Variants in FAXC observed in about 807,000 individuals in gnomAD.
FAXC encodes failed axon connections homolog, metaxin like GST domain containing, also known as failed axon connections homolog.
A neutral mutation model predicts 41.9 loss-of-function variants in FAXC; 10 were observed. The ratio of observed to expected loss-of-function variants is 0.24; its 90% CI spans 0.15 to 0.41. FAXC has a LOEUF of 0.41. Among genes scored for constraint, FAXC ranks in the 10% least tolerant of loss-of-function variants. The pLI is 1.00. For missense variants in FAXC, 399 were observed against 510.9 expected (o/e 0.78, Z 2.11); for synonymous variants, 183 against 183.8 (o/e 1.00, Z 0.03).
intron 5 of FAXC, among the ~76,000 whole-genome samples, chr6:99,289,999 T>C (rs897743096): frequency 6.6e-6 from 1 of 151,922 alleles, no homozygotes. Flanking sequence ...AAGTATAGTT[T>C]CTACTGAACA....
At chr6:99,345,794 T>C (rs1053376715) in intron 1 of FAXC, among the ~76,000 whole-genome samples, 1 of 152,212 alleles carries the variant, frequency 6.6e-6, no homozygotes, top group African/African-American at 2.4e-5. Flanking sequence ...AGTCATTCAA[T>C]TTACAAACAA....
At chr6:99,297,829 A>C (rs1771559641) in intron 4 of FAXC, among the ~76,000 whole-genome samples, 1 of 151,902 alleles carries the variant, frequency 6.6e-6, no homozygotes. Flanking sequence ...TACCTCCTCC[A>C]CTGCATGAAG....
chr6:99,344,688 C>T (rs546594300), intron 1 of FAXC, among the ~76,000 whole-genome samples: 1 of 152,282 alleles, frequency 6.6e-6, no homozygotes, highest in South Asian at 2.1e-4. Context: ...AAATCAAGAA[C>T]TCATTTAGAC....
chr6:99,284,152 C>CA (rs1770930186), intron 5 of FAXC: 1 of 152,240 alleles, frequency 6.6e-6, no homozygotes, highest in African/African-American at 2.4e-5. Flanking sequence ...CCTTCACCTC[C>CA]ACTCAACTCT....
intron 4 of FAXC, among the ~76,000 whole-genome samples, chr6:99,302,542 G>A (rs1186603178): frequency 6.6e-6 from 1 of 152,128 alleles, no homozygotes; most frequent in Non-Finnish European, 1.5e-5. Context: ...TGTGGTCCCA[G>A]CTACTCAGGA....
rs1305389858 is a variant in FAXC, at chr6:99,277,715, T to C, written c.*3449A>G. ...GTGACTTCTCAGGTAACATGCATTT[T>C]ATAAGACAACAAAGCCACAGTGGTA... is the stretch of plus-strand genomic sequence containing the variant. On this transcript the variant is annotated 3_prime_UTR_variant, in exon 6 of 6. Transcript: ENST00000389677. 1 of 152,200 alleles carries C rather than the reference T, an allele frequency of 6.6e-6. No individual in the cohort carries two copies. Among genetic ancestry groups the C allele is most frequent in the Admixed American group, 6.5e-5 (1 of 15,278 alleles). 9.4% of individuals were successfully genotyped at this position (152,200 alleles called of 1,614,324 possible).
intron 3 of FAXC, among the ~76,000 whole-genome samples, chr6:99,329,573 T>A (rs1278565820): frequency 6.6e-6 from 1 of 152,172 alleles, no homozygotes; most frequent in Non-Finnish European, 1.5e-5. Context: ...GCATATGGTA[T>A]GTTTCTGTAG....
At chr6:99,317,133 A>G (rs924423406) in intron 4 of FAXC, among the ~76,000 whole-genome samples, 1 of 152,026 alleles carries the variant, frequency 6.6e-6, no homozygotes, top group Non-Finnish European at 1.5e-5. Context: ...AAAGAAAAGT[A>G]TATTACATTT....
intron 1 of FAXC, 103 bp from the exon 2 acceptor site, chr6:99,343,136 C>A: frequency 9.7e-7 from 1 of 1,032,136 alleles, no homozygotes; most frequent in Non-Finnish European, 1.4e-6. Flanking sequence ...CCTCAATGAA[C>A]AAGCAGATCT....
intron 4 of FAXC, among the ~76,000 whole-genome samples, chr6:99,295,759 CGTA>C (rs1771467913): frequency 6.6e-6 from 1 of 152,166 alleles, no homozygotes; most frequent in Non-Finnish European, 1.5e-5. Context: ...TGATATTAAC[CGTA>C]ACCATGTGGT....
intron 4 of FAXC, among the ~76,000 whole-genome samples, chr6:99,323,096 C>G (rs1351790451): frequency 6.6e-6 from 1 of 152,176 alleles, no homozygotes; most frequent in Admixed American, 6.5e-5. Context: ...GCCTGTGACC[C>G]TGACCTGTTT....
chr6:99,289,821 C>T (rs759905366), intron 5 of FAXC, among the ~76,000 whole-genome samples: 6 of 151,708 alleles, frequency 4.0e-5, no homozygotes, highest in Non-Finnish European at 8.8e-5. Flanking sequence ...CTTACATTAA[C>T]CTACAGTAAG....
chr6:99,273,335 A>C lies in FAXC; in HGVS notation c.*7829T>G, dbSNP rs1770480899. On this transcript the variant is annotated 3_prime_UTR_variant, in exon 6 of 6. Coordinates refer to ENST00000389677, the MANE Select transcript of FAXC (RefSeq NM_032511.4). ...ATTTGAAGACACAAGATTATAAACAAATAGAAAAAAAGACATGTAATCAGT... is the reference window on the plus strand; with the variant it reads ...ATTTGAAGACACAAGATTATAAACACATAGAAAAAAAGACATGTAATCAGT... 4.6e-5 allele frequency: 7 copies of C among 152,118 alleles called. No homozygotes were observed. The South Asian group carries it at 1.5e-3, about 32-fold the overall frequency. The allele number at this position is 152,118 out of a possible 1,614,324, so 9.4% of individuals were successfully genotyped here.
At chr6:99,319,116 G>C (rs746390307) in intron 4 of FAXC, among the ~76,000 whole-genome samples, 3 of 152,108 alleles carry the variant, frequency 2.0e-5, no homozygotes, top group Admixed American at 2.0e-4. Context: ...AAGCAAACCC[G>C]GCCGGGCGCG....
chr6:99,322,371 G>A (rs562533848), intron 4 of FAXC, among the ~76,000 whole-genome samples: 2 of 152,282 alleles, frequency 1.3e-5, no homozygotes, highest in South Asian at 2.1e-4. Flanking sequence ...CAAGGGACAG[G>A]TTATATCCAG....
rs1773733094 is a variant in FAXC, at chr6:99,349,623, C to G, written c.-251G>C. The G allele has an allele frequency of 1.3e-5, 2 of 153,366 alleles. No individual in the cohort carries two copies. The highest frequency in any genetic ancestry group is 4.8e-5 in the African/African-American group (2 of 41,398). The allele number at this position is 153,366 out of a possible 1,614,324, so 9.5% of individuals were successfully genotyped here. A position where few individuals can be genotyped will look rare whatever the true frequency, so the allele number is the denominator to read the frequency against. Reference sequence around the variant, plus strand: ...GGCGGCAGCAGCGGCCGCCGGCTCCCCCCGCAGCTGCCTCTCCGCCCCGCT... The same window carrying G: ...GGCGGCAGCAGCGGCCGCCGGCTCCGCCCGCAGCTGCCTCTCCGCCCCGCT... On this transcript the variant is annotated 5_prime_UTR_variant, in exon 1 of 6. Transcript: ENST00000389677.
At chr6:99,307,888 C>T (rs572876969) in intron 4 of FAXC, among the ~76,000 whole-genome samples, 1 of 152,110 alleles carries the variant, frequency 6.6e-6, no homozygotes, top group South Asian at 2.1e-4. Flanking sequence ...TTCCCTCAAA[C>T]ATCAGAGACA....
chr6:99,297,121 G>A (rs1263373894), intron 4 of FAXC, among the ~76,000 whole-genome samples: 2 of 152,186 alleles, frequency 1.3e-5, no homozygotes, highest in African/African-American at 2.4e-5. Flanking sequence ...TAGTGAACTT[G>A]ATTAACCCAA....
intron 5 of FAXC, among the ~76,000 whole-genome samples, chr6:99,288,906 T>C (rs1231303184): frequency 2.7e-5 from 3 of 110,024 alleles, no homozygotes; most frequent in African/African-American, 1.1e-4. Flanking sequence ...GCTCCACCAC[T>C]TCCCCACCCA....
Sources: gnomAD v4.1 joint callset for allele counts (sites outside exome capture counted in the v4.1 genomes callset) on GRCh38, gnomAD v4.1.1 for gene constraint, MANE v1.5 for transcripts, NCBI Gene and HGNC (gene_info 2026-07-23, HGNC 2026-07-21) for gene names.